The following C1orf21 variants were observed in gnomAD, a reference collection of about 807,000 sequenced individuals.
The protein encoded by C1orf21 is chromosome 1 open reading frame 21, also known as uncharacterized protein C1orf21.
A neutral mutation model predicts 18.7 loss-of-function variants in C1orf21; 3 were observed. The observed-to-expected ratio is 0.16, with a 90% CI of 0.07 to 0.42. C1orf21 has a LOEUF of 0.42. Ranked by LOEUF, C1orf21 falls within the 10% of genes least tolerant of loss-of-function variation. C1orf21 has a pLI of 0.99. For synonymous variants in C1orf21, 41 were observed against 46.4 expected, an observed-to-expected ratio of 0.88 and a Z score of 0.47; for missense variants, 104 against 143.6, an observed-to-expected ratio of 0.72 and a Z score of 1.41.
intron 3 of C1orf21, among the ~76,000 whole-genome samples, chr1:184,527,311 T>C (rs907122858): frequency 6.6e-6 from 1 of 152,184 alleles, no homozygotes; most frequent in Non-Finnish European, 1.5e-5. Context: ...CAAAATAGCA[T>C]AAAACATGGT....
chr1:184,547,440 T>TTTTTA (rs1658742248), intron 3 of C1orf21, among the ~76,000 whole-genome samples: 1 of 139,120 alleles, frequency 7.2e-6, no homozygotes, highest in Non-Finnish European at 1.6e-5. Flanking sequence ...TTTTTTTTTT[T>TTTTTA]GGTCTCTTTG....
chr1:184,391,569 A>G (rs1655970800), intron 1 of C1orf21, among the ~76,000 whole-genome samples: 1 of 152,212 alleles, frequency 6.6e-6, no homozygotes, highest in Admixed American at 6.5e-5. Flanking sequence ...AATACATTAG[A>G]TGTGGACTTA....
chr1:184,437,111 C>T (rs968784692), intron 1 of C1orf21, among the ~76,000 whole-genome samples: 8 of 152,184 alleles, frequency 5.3e-5, no homozygotes, highest in African/African-American at 1.9e-4. Context: ...CCTCTTGACA[C>T]TTTTTGTTCA....
chr1:184,432,400 T>C (rs1482633333), intron 1 of C1orf21, among the ~76,000 whole-genome samples: 1 of 152,158 alleles, frequency 6.6e-6, no homozygotes, highest in African/African-American at 2.4e-5. Context: ...ACTATCATTC[T>C]CAGCAAACTA....
chr1:184,537,769 G>A (rs1438336232), intron 3 of C1orf21, among the ~76,000 whole-genome samples: 1 of 152,104 alleles, frequency 6.6e-6, no homozygotes, highest in African/African-American at 2.4e-5. Context: ...TCCTGCCTCA[G>A]CCTCCCGAGT....
chr1:184,485,204 A>G (rs1657715535), intron 2 of C1orf21, among the ~76,000 whole-genome samples: 1 of 152,152 alleles, frequency 6.6e-6, no homozygotes, highest in Admixed American at 6.6e-5. Context: ...AGCATGAGAA[A>G]CGTGACTAGT....
chr1:184,441,308 G>A (rs184161816), intron 1 of C1orf21, among the ~76,000 whole-genome samples: 72 of 152,040 alleles, frequency 4.7e-4, no homozygotes, highest in African/African-American at 1.3e-3. Flanking sequence ...CTTTTCCTAC[G>A]CTGAAAGATA....
intron 2 of C1orf21, among the ~76,000 whole-genome samples, chr1:184,505,306 A>AATATATATATATATATAT (rs59445875): frequency 3.4e-4 from 23 of 66,740 alleles, no homozygotes; most frequent in South Asian, 9.9e-4. Flanking sequence ...TACATAAAGA[A>AATATATATATATATATAT]ATATATATAT....
At chr1:184,566,700 C>CA in intron 3 of C1orf21, 4 of 378,538 alleles carry the variant, frequency 1.1e-5, no homozygotes, top group South Asian at 7.3e-5. Flanking sequence ...TCAAAAAGGA[C>CA]AAAAAAGTCA....
chr1:184,423,745 C>G (rs1206272933), intron 1 of C1orf21, among the ~76,000 whole-genome samples: 2 of 151,970 alleles, frequency 1.3e-5, no homozygotes, highest in Non-Finnish European at 2.9e-5. Context: ...CTTCCTTTCT[C>G]CCTATTTCAG....
At chr1:184,580,149 C>T (rs572687787) in intron 3 of C1orf21, among the ~76,000 whole-genome samples, 1 of 151,956 alleles carries the variant, frequency 6.6e-6, no homozygotes, top group East Asian at 1.9e-4. Flanking sequence ...TTTGCCATGA[C>T]CTTGACTCTT....
At chr1:184,586,518 C>T (rs1172909566) in intron 3 of C1orf21, among the ~76,000 whole-genome samples, 4 of 151,948 alleles carry the variant, frequency 2.6e-5, no homozygotes, top group African/African-American at 9.7e-5. Flanking sequence ...CTCCTGACCT[C>T]GTGATCCGCC....
chr1:184,458,634 A>T (rs1403569179), intron 1 of C1orf21, among the ~76,000 whole-genome samples: 1 of 152,124 alleles, frequency 6.6e-6, no homozygotes, highest in Admixed American at 6.5e-5. Flanking sequence ...ACTTATACCA[A>T]CTCTGGCTTT....
chr1:184,424,578 G>T (rs1182009838), intron 1 of C1orf21, among the ~76,000 whole-genome samples: 1 of 152,170 alleles, frequency 6.6e-6, no homozygotes, highest in Non-Finnish European at 1.5e-5. Flanking sequence ...AGAGAGCTGT[G>T]ATGAGAGTTA....
chr1:184,598,602 G>A (rs1049891743), intron 5 of C1orf21, 141 bp downstream of exon 5: 6 of 790,168 alleles, frequency 7.6e-6, no homozygotes, highest in South Asian at 3.8e-5. Flanking sequence ...AAAAGTCACC[G>A]CCCTTCCAAA....
intron 1 of C1orf21, among the ~76,000 whole-genome samples, chr1:184,418,401 A>T (rs1315668487): frequency 6.6e-6 from 1 of 152,104 alleles, no homozygotes; most frequent in Non-Finnish European, 1.5e-5. Flanking sequence ...TTTTGTAGAG[A>T]TAGGGTTTCA....
At chr1:184,449,695 C>T (rs11805001) in intron 1 of C1orf21, among the ~76,000 whole-genome samples, 21,899 of 152,054 alleles carry the variant, frequency 0.14, 1,640 homozygotes, top group Middle Eastern at 0.2. Flanking sequence ...CTTCCAAGAA[C>T]GGTTTTAGTT....
In C1orf21 at chr1:184,468,834, G is replaced by T. The variant is rs190756909; in HGVS notation, c.-124-8552G>T. ...CTCAGGAGGCTGAGGCAGAAGAATT[G>T]CTTGAACTCAGGAGGCAGAGATGCA... On this transcript the variant is annotated intron_variant, in intron 1 of 5. Coordinates refer to ENST00000235307, the MANE Select transcript of C1orf21 (RefSeq NM_030806.4). Among the ~76,000 whole-genome samples the T allele has an allele frequency of 3.9e-5, 6 of 152,180 alleles. No individual in the cohort carries two copies. The East Asian group carries it at 1.2e-3, about 29-fold the overall frequency.
intron 3 of C1orf21, among the ~76,000 whole-genome samples, chr1:184,537,124 T>A (rs151227169): frequency 1.6e-3 from 242 of 152,314 alleles, no homozygotes; most frequent in African/African-American, 5.4e-3. Context: ...TGGGTTTTTT[T>A]AATTGTGGTA....
Sources: gnomAD v4.1 joint callset for allele counts (sites outside exome capture counted in the v4.1 genomes callset) on GRCh38, gnomAD v4.1.1 for gene constraint, MANE v1.5 for transcripts, NCBI Gene and HGNC (gene_info 2026-07-23, HGNC 2026-07-21) for gene names.